Variants in ITGA9 observed in about 807,000 individuals in gnomAD.
ITGA9 encodes the protein integrin subunit alpha 9, also known as integrin alpha-9.
Under a neutral mutation model 127.8 loss-of-function variants are expected in ITGA9, and 56 were observed. The observed-to-expected ratio is 0.44, with a 90% CI of 0.35 to 0.55. ITGA9 has a LOEUF of 0.55. ITGA9 is among the 20% of genes least tolerant of loss of function. The pLI is 0.00. For missense variants in ITGA9, 1,196 were observed against 1,347.1 expected, an observed-to-expected ratio of 0.89 and a Z score of 1.76; for synonymous variants, 508 against 514.5, an observed-to-expected ratio of 0.99 and a Z score of 0.17.
chr3:37,509,614 C>G (rs888805223), intron 8 of ITGA9, among the ~76,000 whole-genome samples: 1 of 152,052 alleles, frequency 6.6e-6, no homozygotes, highest in Non-Finnish European at 1.5e-5. Context: ...TTTAACTATC[C>G]GAATAGGTAC....
At chr3:37,634,519 T>G (rs942380613) in intron 16 of ITGA9, among the ~76,000 whole-genome samples, 1 of 152,116 alleles carries the variant, frequency 6.6e-6, no homozygotes, top group African/African-American at 2.4e-5. Context: ...CATTATACAA[T>G]GATAAAGGGA....
chr3:37,612,392 TAAG>T (rs1272780221), intron 15 of ITGA9, among the ~76,000 whole-genome samples: 16 of 152,162 alleles, frequency 1.1e-4, no homozygotes, highest in Non-Finnish European at 2.2e-4. Context: ...ATGCATGAAA[TAAG>T]AAGATCTACA....
chr3:37,706,155 C>G (rs1270484136), intron 18 of ITGA9, among the ~76,000 whole-genome samples: 1 of 152,184 alleles, frequency 6.6e-6, no homozygotes, highest in Admixed American at 6.5e-5. Context: ...CACTCTGGTT[C>G]CATCTCCTTC....
intron 3 of ITGA9, among the ~76,000 whole-genome samples, chr3:37,477,441 G>A: frequency 6.6e-6 from 1 of 152,212 alleles, no homozygotes; most frequent in East Asian, 1.9e-4. Flanking sequence ...ACCAGCTCTG[G>A]CAAGGACCAG....
At chr3:37,525,890 G>A in intron 12 of ITGA9, 136 bp from the exon 13 acceptor site, 2 of 749,856 alleles carry the variant, frequency 2.7e-6, no homozygotes, top group Non-Finnish European at 4.9e-6. Context: ...CAAGATCATT[G>A]TATAGCCCAG....
chr3:37,627,889 TTGGAC>T (rs1322833295), intron 15 of ITGA9, among the ~76,000 whole-genome samples: 1 of 152,200 alleles, frequency 6.6e-6, no homozygotes, highest in Non-Finnish European at 1.5e-5. Context: ...CTGCAGATGC[TTGGAC>T]TGGATGGATA....
chr3:37,734,552 C>T (rs1696335992), intron 19 of ITGA9, among the ~76,000 whole-genome samples: 1 of 152,156 alleles, frequency 6.6e-6, no homozygotes, highest in Non-Finnish European at 1.5e-5. Flanking sequence ...TGCAGTGGCG[C>T]AATCTTGGCT....
rs72862216 is a variant in ITGA9 at position 37,800,194 on chromosome 3, G to A, written c.2890-3629G>A. Among the ~76,000 whole-genome samples the A allele has an allele frequency of 5.0e-3, 762 of 152,298 alleles. 7 individuals carry two copies. Among genetic ancestry groups the A allele is most frequent in the African/African-American group, 0.018 (731 of 41,544 alleles). On this transcript the variant is annotated intron_variant, in intron 26 of 27. Coordinates refer to ENST00000264741, the MANE Select transcript of ITGA9 (RefSeq NM_002207.3). Reference sequence around the variant, plus strand: ...CACAAAACCAGACCTCCAACGTGGCGTTGCTGGTATGCAGATTTCAGTGTC... The same window carrying A: ...CACAAAACCAGACCTCCAACGTGGCATTGCTGGTATGCAGATTTCAGTGTC...
chr3:37,741,885 A>G, intron 21 of ITGA9, 66 bp downstream of exon 21: 1 of 1,285,916 alleles, frequency 7.8e-7, no homozygotes, highest in Non-Finnish European at 1.1e-6. Flanking sequence ...TGTGCTTCTC[A>G]TATTTGCATG....
At chr3:37,514,904 G>A (rs1279893709) in intron 9 of ITGA9, among the ~76,000 whole-genome samples, 1 of 152,116 alleles carries the variant, frequency 6.6e-6, no homozygotes, top group African/African-American at 2.4e-5. Flanking sequence ...AACCATGAAA[G>A]GGACGTGACA....
chr3:37,549,238 T>C (rs1486085438), intron 15 of ITGA9, among the ~76,000 whole-genome samples: 1 of 152,206 alleles, frequency 6.6e-6, no homozygotes, highest in African/African-American at 2.4e-5. Context: ...TGTTTGGCCA[T>C]TGATTTATTT....
At chr3:37,610,344 A>G (rs535209710) in intron 15 of ITGA9, among the ~76,000 whole-genome samples, 37 of 152,338 alleles carry the variant, frequency 2.4e-4, no homozygotes, top group Non-Finnish European at 4.6e-4. Context: ...CAAAGTTTCC[A>G]TCTAATGGTG....
intron 1 of ITGA9, among the ~76,000 whole-genome samples, chr3:37,462,117 T>C (rs1269645450): frequency 1.3e-5 from 2 of 152,256 alleles, no homozygotes; most frequent in Admixed American, 6.5e-5. Flanking sequence ...CTTTCAGATG[T>C]GGAAGGAAAA....
At chr3:37,608,061 C>T (rs990319537) in intron 15 of ITGA9, among the ~76,000 whole-genome samples, 12 of 152,144 alleles carry the variant, frequency 7.9e-5, no homozygotes, top group South Asian at 2.1e-4. Flanking sequence ...CTTTTTCTAC[C>T]GGGCACATCT....
At chr3:37,589,828 A>G (rs1699797411) in intron 15 of ITGA9, among the ~76,000 whole-genome samples, 2 of 152,104 alleles carry the variant, frequency 1.3e-5, no homozygotes, top group Admixed American at 1.3e-4. Context: ...TGTAGGGCCT[A>G]GTAGACCATT....
intron 16 of ITGA9, among the ~76,000 whole-genome samples, chr3:37,640,893 G>A (rs1431772975): frequency 6.6e-6 from 1 of 152,178 alleles, no homozygotes; most frequent in African/African-American, 2.4e-5. Context: ...AATGTGAGAA[G>A]CCCGGAAATG....
chr3:37,672,983 T>C (rs1700651662), intron 17 of ITGA9, among the ~76,000 whole-genome samples: 1 of 152,078 alleles, frequency 6.6e-6, no homozygotes, highest in African/African-American at 2.4e-5. Context: ...CCACAATCTC[T>C]AGAATCTTCT....
intron 15 of ITGA9, among the ~76,000 whole-genome samples, chr3:37,616,264 G>C (rs1371538649): frequency 1.2e-4 from 19 of 152,184 alleles, no homozygotes; most frequent in Non-Finnish European, 2.4e-4. Context: ...TTTCCATGTA[G>C]TTGAGCGGTT....
At chr3:37,593,357 G>C (rs1180795170) in intron 15 of ITGA9, among the ~76,000 whole-genome samples, 1 of 152,106 alleles carries the variant, frequency 6.6e-6, no homozygotes, top group East Asian at 1.9e-4. Flanking sequence ...TCTGTGGTTG[G>C]TTGAATCCAT....
Sources: allele counts gnomAD v4.1 joint callset (sites outside exome capture counted in the v4.1 genomes callset), GRCh38; gene constraint gnomAD v4.1.1; transcripts MANE v1.5; gene names NCBI Gene and HGNC (gene_info 2026-07-23, HGNC 2026-07-21).